Variants in DRD3 observed in about 807,000 individuals in gnomAD.
DRD3 encodes D(3) dopamine receptor.
A neutral mutation model predicts 36.3 loss-of-function variants in DRD3; 19 were observed. The observed-to-expected ratio is 0.52, with a 90% CI of 0.36 to 0.77. The LOEUF is 0.77. DRD3 is among the 30% of genes least tolerant of loss of function. The pLI is 0.00. For synonymous variants in DRD3, 195 were observed against 203.7 expected (o/e 0.96, Z 0.36); for missense variants, 465 against 505.3 (o/e 0.92, Z 0.77).
At chr3:114,160,564 A>G (rs226083) in intron 2 of DRD3, among the ~76,000 whole-genome samples, 149,607 of 152,302 alleles carry the variant, frequency 0.98, 73,540 homozygotes, top group Middle Eastern at 1. Flanking sequence ...TTCGGTGACT[A>G]CCCGATGTGT....
intron 1 of DRD3, among the ~76,000 whole-genome samples, chr3:114,193,794 A>C (rs767644989): frequency 7.9e-5 from 12 of 152,238 alleles, no homozygotes; most frequent in Admixed American, 3.3e-4. Context: ...GAAATATTAA[A>C]ATAAACATCT....
At chr3:114,176,799 C>T (rs1169458540) in intron 1 of DRD3, among the ~76,000 whole-genome samples, 1 of 152,144 alleles carries the variant, frequency 6.6e-6, no homozygotes, top group East Asian at 1.9e-4. Flanking sequence ...CTGGTCTGGG[C>T]TGTAATTCGG....
intron 4 of DRD3, among the ~76,000 whole-genome samples, chr3:114,142,341 C>T (rs1265683243): frequency 6.6e-6 from 1 of 152,160 alleles, no homozygotes; most frequent in Non-Finnish European, 1.5e-5. Flanking sequence ...GGTGGCACTG[C>T]CCATCTTGTT....
intron 5 of DRD3, among the ~76,000 whole-genome samples, chr3:114,138,327 C>T (rs1489436373): frequency 6.6e-6 from 1 of 152,072 alleles, no homozygotes; most frequent in Non-Finnish European, 1.5e-5. Context: ...AAAGACATAC[C>T]TGAGACTGGG....
At chr3:114,142,983 G>C (rs1277700895) in intron 4 of DRD3, among the ~76,000 whole-genome samples, 1 of 152,186 alleles carries the variant, frequency 6.6e-6, no homozygotes, top group Non-Finnish European at 1.5e-5. Context: ...CCTGGCCCTG[G>C]GTGTGTGTCC....
chr3:114,155,957 A>G (rs1001929615), intron 3 of DRD3, among the ~76,000 whole-genome samples: 37 of 152,042 alleles, frequency 2.4e-4, no homozygotes, highest in African/African-American at 8.2e-4. Context: ...CCTTCTCCCA[A>G]TAATATCATC....
chr3:114,193,540 A>G (rs1289047199), intron 1 of DRD3, among the ~76,000 whole-genome samples: 1 of 152,166 alleles, frequency 6.6e-6, no homozygotes, highest in Non-Finnish European at 1.5e-5. Flanking sequence ...AACTGGGGCT[A>G]TACTGGACTT....
intron 1 of DRD3, among the ~76,000 whole-genome samples, chr3:114,187,226 C>A (rs147607425): frequency 6.6e-6 from 1 of 152,154 alleles, no homozygotes; most frequent in Non-Finnish European, 1.5e-5. Context: ...TAGAAATAAA[C>A]GATCATTATT....
chr3:114,176,674 C>T lies in DRD3; in HGVS notation c.-36+1983G>A, dbSNP rs145795513. On this transcript the variant is annotated intron_variant, in intron 1 of 6. Coordinates refer to ENST00000383673, the MANE Select transcript of DRD3 (RefSeq NM_000796.6). ...GGATTTTACTCAACCCAGAACAAAACGCTTCAGTAACAGGGTTCCATGACC... is the reference window on the plus strand; with the variant it reads ...GGATTTTACTCAACCCAGAACAAAATGCTTCAGTAACAGGGTTCCATGACC... Among the ~76,000 whole-genome samples, 51 of 152,122 alleles carry T rather than the reference C, an allele frequency of 3.4e-4. No homozygotes were observed. In the East Asian group the frequency reaches 9.1e-3, roughly 27 times the overall value.
rs1402788939 is a variant in DRD3, at chr3:114,195,479, T to C, written c.-156+3794A>G. On this transcript the variant is annotated intron_variant, in intron 1 of 7. Coordinates refer to the DRD3 transcript ENST00000460779. ...AATCACATAGTAAAATGTATAAAAT[T>C]ATGAAAATATTTCCATTATTCACAA... Among the ~76,000 whole-genome samples, 5 of 152,178 alleles carry C rather than the reference T, an allele frequency of 3.3e-5. No homozygotes were observed. The East Asian group carries it at 9.6e-4, about 29-fold the overall frequency.
In DRD3 at chr3:114,128,809, C is replaced by T; in HGVS notation, c.1110G>A (p.Trp370Ter). 2 of 1,613,942 alleles carry T rather than the reference C, an allele frequency of 1.2e-6. No individual in the cohort carries two copies. The highest frequency in any genetic ancestry group is 1.7e-6 in the Non-Finnish European group (2 of 1,179,974). ...TGAGGGCGCTATTCACGTAGCCCAG[C>T]CATGTCGTGGCACTGTAAAGCTCTG... ...VSPELYSATTWLGYVNSALNP... is the reference protein window; with the variant it reads ...VSPELYSATT The change falls in exon 7 of 7, where the codon TGG becomes TGA. Residue 370 changes from tryptophan (W) to a stop codon, truncating the protein, a stop_gained. Coordinates refer to ENST00000383673, the MANE Select transcript of DRD3 (RefSeq NM_000796.6). LOFTEE classifies it high-confidence loss of function.
chr3:114,139,446 G>A, intron 5 of DRD3, 54 bp downstream of exon 5: 1 of 1,551,340 alleles, frequency 6.4e-7, no homozygotes, highest in Non-Finnish European at 8.8e-7. Flanking sequence ...GACACAGGCT[G>A]GGAAGTCAGG....
intron 2 of DRD3, among the ~76,000 whole-genome samples, chr3:114,168,228 AG>A (rs1312432384): frequency 3.9e-5 from 6 of 152,244 alleles, no homozygotes; most frequent in African/African-American, 4.8e-5. Context: ...ACATCAGCTC[AG>A]GGTGGAAAAT....
At chr3:114,130,681 C>T (rs763008101) in intron 6 of DRD3, among the ~76,000 whole-genome samples, 9 of 152,070 alleles carry the variant, frequency 5.9e-5, no homozygotes, top group Non-Finnish European at 1.0e-4. Flanking sequence ...CCTCGGCCTC[C>T]CAAAGTGCTG....
At chr3:114,153,062 C>G (rs1425851817) in intron 3 of DRD3, among the ~76,000 whole-genome samples, 1 of 152,250 alleles carries the variant, frequency 6.6e-6, no homozygotes, top group Non-Finnish European at 1.5e-5. Context: ...GACCCCAGCA[C>G]TGGCAGTGTG....
At chr3:114,132,456 T>C (rs1278886476) in intron 5 of DRD3, among the ~76,000 whole-genome samples, 3 of 151,814 alleles carry the variant, frequency 2.0e-5, no homozygotes, top group African/African-American at 7.3e-5. Flanking sequence ...ACCTAATCCA[T>C]GCAGAGCTTA....
Position 114,178,963 on chromosome 3 carries a change from G to A in DRD3, c.-342C>T, listed in dbSNP as rs138571838. The A allele has an allele frequency of 5.1e-4, 78 of 152,290 alleles. 1 individual carries two copies. The highest frequency in any genetic ancestry group is 1.8e-3 in the African/African-American group (74 of 41,552). 9.4% of individuals were successfully genotyped at this position (152,290 alleles called of 1,614,324 possible). A position where few individuals can be genotyped will look rare whatever the true frequency, so the allele number is the denominator to read the frequency against. ...CGTTGCTTGGGTCAGCCGCTCAGAG[G>A]TTCTGTCCTTGGTGCTGAAAGAGGG... On this transcript the variant is annotated 5_prime_UTR_variant, in exon 1 of 7. Coordinates refer to ENST00000383673, the MANE Select transcript of DRD3 (RefSeq NM_000796.6).
chr3:114,188,491 C>T (rs1254295862), intron 1 of DRD3, among the ~76,000 whole-genome samples: 4 of 152,170 alleles, frequency 2.6e-5, no homozygotes, highest in East Asian at 3.8e-4. Flanking sequence ...GGATTACAGG[C>T]GTGAGCCACC....
intron 5 of DRD3, among the ~76,000 whole-genome samples, chr3:114,139,090 CT>C (rs1381247681): frequency 1.3e-5 from 2 of 152,212 alleles, no homozygotes; most frequent in African/African-American, 4.8e-5. Context: ...GGAAAAAAGG[CT>C]TTGATGGACC....
Sources: gnomAD v4.1 joint callset for allele counts (sites outside exome capture counted in the v4.1 genomes callset) on GRCh38, gnomAD v4.1.1 for gene constraint, MANE v1.5 for transcripts, NCBI Gene and HGNC (gene_info 2026-07-23, HGNC 2026-07-21) for gene names.